The following ADD3 variants were observed in gnomAD, a reference collection of about 807,000 sequenced individuals.
The protein encoded by ADD3 is gamma-adducin.
ADD3 carries 25 observed loss-of-function variants against 80.2 expected under a neutral mutation model. The observed-to-expected ratio is 0.31, with a 90% CI of 0.23 to 0.44. ADD3 has a LOEUF of 0.44. Among genes scored for constraint, ADD3 ranks in the 20% least tolerant of loss-of-function variants. ADD3 has a pLI of 1.00. For synonymous variants in ADD3, 284 were observed against 289.6 expected (o/e 0.98, Z 0.20); for missense variants, 829 against 847.5 (o/e 0.98, Z 0.27).
intron 1 of ADD3, among the ~76,000 whole-genome samples, chr10:110,024,331 A>T (rs181521578): frequency 1.8e-4 from 27 of 152,348 alleles, no homozygotes; most frequent in Admixed American, 3.3e-4. Context: ...CTTCAAAAGT[A>T]AACATAGCGT....
chr10:110,003,302 G>GGTGTGTGTGTGTGTGTGTGTGTGT (rs1554893815), upstream of ADD3, among the ~76,000 whole-genome samples: 154 of 147,020 alleles, frequency 1.0e-3, 1 homozygote, highest in South Asian at 3.5e-3. Context: ...GAACAGTAAG[G>GGTGTGTGTGTGTGTGTGTGTGTGT]GTGTGTGTGT....
At chr10:110,110,341 C>CGTGT (rs1220505542) in intron 2 of ADD3, among the ~76,000 whole-genome samples, 2 of 152,166 alleles carry the variant, frequency 1.3e-5, no homozygotes, top group Non-Finnish European at 1.5e-5. Context: ...GAGGGAGACA[C>CGTGT]ACTAGAGTCT....
At position 110,135,088 on chromosome 10, in the gene ADD3, A is replaced by AATT. The variant is rs1231648480; in HGVS notation, c.*1472_*1474dup. 3 of 152,234 alleles carry AATT rather than the reference A, an allele frequency of 2.0e-5. No homozygotes were observed. Among genetic ancestry groups the AATT allele is most frequent in the African/African-American group, 7.2e-5 (3 of 41,442 alleles). The allele number at this position is 152,234 out of a possible 1,614,324, so 9.4% of individuals were successfully genotyped here. On this transcript the variant is annotated 3_prime_UTR_variant, in exon 15 of 15. Transcript: ENST00000356080. ...CTTAAGGGTGAGTTGGCATGCAAAAAATTACATTGATTACAGTGTGTTTTG... is the reference window on the plus strand; with the variant it reads ...CTTAAGGGTGAGTTGGCATGCAAAAAATTATTACATTGATTACAGTGTGTTTTG...
intron 1 of ADD3, among the ~76,000 whole-genome samples, chr10:110,092,769 T>G (rs548298893): frequency 5.6e-4 from 85 of 152,098 alleles, no homozygotes; most frequent in African/African-American, 2.0e-3. Context: ...ATAAATATAA[T>G]TTTATTTTTT....
chr10:110,063,780 T>A (rs1352410004), intron 1 of ADD3, among the ~76,000 whole-genome samples: 56 of 112,574 alleles, frequency 5.0e-4, no homozygotes, highest in African/African-American at 1.8e-3. Flanking sequence ...TATATATATA[T>A]ATAAAGTGAA....
intron 2 of ADD3, chr10:110,106,015 A>G (rs779860914): frequency 6.6e-6 from 1 of 152,138 alleles, no homozygotes; most frequent in Non-Finnish European, 1.5e-5. Flanking sequence ...GTGGTATTCT[A>G]TTTCCAAATG....
chr10:110,027,217 A>G (rs1310692466), intron 1 of ADD3, among the ~76,000 whole-genome samples: 1 of 152,190 alleles, frequency 6.6e-6, no homozygotes, highest in Non-Finnish European at 1.5e-5. Flanking sequence ...TTCCTCCCAA[A>G]ATGTTTGTCT....
chr10:110,039,475 T>C (rs1442496892), intron 1 of ADD3, among the ~76,000 whole-genome samples: 1 of 152,168 alleles, frequency 6.6e-6, no homozygotes, highest in Non-Finnish European at 1.5e-5. Flanking sequence ...AGGATTGTCT[T>C]TTGAAGTTAA....
At chr10:110,129,502 T>G (rs1852662729) in intron 12 of ADD3, among the ~76,000 whole-genome samples, 1 of 152,192 alleles carries the variant, frequency 6.6e-6, no homozygotes, top group African/African-American at 2.4e-5. Context: ...GAGAGGGAAA[T>G]GCTTGGCTCT....
At chr10:110,093,495 G>A (rs746879885) in intron 1 of ADD3, among the ~76,000 whole-genome samples, 7 of 152,160 alleles carry the variant, frequency 4.6e-5, no homozygotes, top group Non-Finnish European at 5.9e-5. Context: ...CACAGTCAAT[G>A]TCATTTTGTT....
chr10:110,016,236 T>G (rs578241672), intron 1 of ADD3, among the ~76,000 whole-genome samples: 220 of 152,328 alleles, frequency 1.4e-3, no homozygotes, highest in African/African-American at 4.5e-3. Context: ...CAGCTCCTGT[T>G]TTCCTTACAG....
At chr10:110,073,138 CTTTTTTTTT>C (rs1189793476) in intron 1 of ADD3, among the ~76,000 whole-genome samples, 21 of 94,222 alleles carry the variant, frequency 2.2e-4, no homozygotes, top group African/African-American at 8.6e-4. Flanking sequence ...TTTTAGTTTT[CTTTTTTTTT>C]TTTTTTTTTT....
In ADD3 at chr10:110,125,964, TA is replaced by T; in HGVS notation, c.1521+20del. On this transcript the variant is annotated intron_variant, in intron 11 of 14. Transcript: ENST00000356080. ...AAATAAGGTAAGACATGGTCTTCTA[TA>T]GCCAGGGGAGACATTTTAATTGCTT... The T allele has an allele frequency of 6.3e-7, 1 of 1,582,984 alleles. No homozygotes were observed. The highest frequency in any genetic ancestry group is 1.1e-5 in the South Asian group (1 of 87,250).
upstream of ADD3, among the ~76,000 whole-genome samples, chr10:110,006,909 C>A (rs1357847792): frequency 6.6e-6 from 1 of 151,928 alleles, no homozygotes; most frequent in Non-Finnish European, 1.5e-5. Flanking sequence ...GTGGGGTTGG[C>A]CCAAGGGACC....
chr10:110,026,933 A>G (rs1388571055), intron 1 of ADD3, among the ~76,000 whole-genome samples: 5 of 152,206 alleles, frequency 3.3e-5, no homozygotes, highest in Non-Finnish European at 7.3e-5. Context: ...TCAGTAATGT[A>G]TTCGAAGTAG....
At chr10:110,086,914 G>A (rs1846841670) in intron 1 of ADD3, among the ~76,000 whole-genome samples, 1 of 152,224 alleles carries the variant, frequency 6.6e-6, no homozygotes. Context: ...CCAGAGCCTG[G>A]CATGAACCTG....
At chr10:110,121,999 G>C (rs368418149) in intron 8 of ADD3, 111 bp from the exon 9 acceptor site, 1 of 868,144 alleles carries the variant, frequency 1.2e-6, no homozygotes, top group South Asian at 2.2e-5. Flanking sequence ...TTAGTAGCCT[G>C]AGCAAGTATT....
At chr10:110,128,153 A>G (rs948430614) in intron 12 of ADD3, among the ~76,000 whole-genome samples, 11 of 147,216 alleles carry the variant, frequency 7.5e-5, no homozygotes, top group African/African-American at 2.3e-4. Context: ...TTTTCTAAGT[A>G]ATTAGTAACC....
intron 1 of ADD3, among the ~76,000 whole-genome samples, chr10:110,073,133 G>GTTTTTTTT (rs1443878675): frequency 3.9e-4 from 42 of 106,470 alleles, no homozygotes; most frequent in Non-Finnish European, 5.7e-4. Context: ...TTGAGTTTTA[G>GTTTTTTTT]TTTTCTTTTT....
Sources: allele counts gnomAD v4.1 joint callset (sites outside exome capture counted in the v4.1 genomes callset), GRCh38; gene constraint gnomAD v4.1.1; transcripts MANE v1.5; gene names NCBI Gene and HGNC (gene_info 2026-07-23, HGNC 2026-07-21).